The following KCNQ5 variants were observed in gnomAD, a reference collection of about 807,000 sequenced individuals.
KCNQ5 encodes potassium voltage-gated channel subfamily KQT member 5.
In KCNQ5, 30 loss-of-function variants were observed where a neutral mutation model predicts 98.2. The observed-to-expected ratio is 0.31, with a 90% confidence interval of 0.23 to 0.41. The LOEUF (loss-of-function observed/expected upper bound fraction) is 0.41, where lower values mean the gene tolerates loss of function less well. Ranked by LOEUF, KCNQ5 falls within the 10% of genes least tolerant of loss-of-function variation. The pLI, the probability that KCNQ5 is intolerant of heterozygous loss-of-function variation, is 1.00. For missense variants in KCNQ5, 835 were observed against 1,182.5 expected, an observed-to-expected ratio of 0.71 and a Z score of 4.31; for synonymous variants, 458 against 449.4, an observed-to-expected ratio of 1.02 and a Z score of -0.24.
At chr6:72,626,695 G>A (rs917958904) in intron 1 of KCNQ5, among the ~76,000 whole-genome samples, 2 of 152,126 alleles carry the variant, frequency 1.3e-5, no homozygotes, top group African/African-American at 2.4e-5. Flanking sequence ...ATTCATTGTT[G>A]CATTCATTTA....
chr6:72,830,792 C>T (rs1053263165), intron 1 of KCNQ5, among the ~76,000 whole-genome samples: 3 of 152,112 alleles, frequency 2.0e-5, no homozygotes, highest in Non-Finnish European at 4.4e-5. Context: ...TCAGAGTGAA[C>T]AGGCAACCTA....
At chr6:72,744,595 G>C (rs1771287012) in intron 1 of KCNQ5, among the ~76,000 whole-genome samples, 1 of 152,124 alleles carries the variant, frequency 6.6e-6, no homozygotes, top group Non-Finnish European at 1.5e-5. Context: ...CGGATCACCT[G>C]AGGTCAGGAG....
intron 5 of KCNQ5, among the ~76,000 whole-genome samples, chr6:73,096,913 G>A (rs1774526955): frequency 6.6e-6 from 1 of 151,826 alleles, no homozygotes; most frequent in Non-Finnish European, 1.5e-5. Flanking sequence ...TGTGGTGGCG[G>A]ATGCCTGTAA....
chr6:72,702,376 T>G (rs1768857539), intron 1 of KCNQ5, among the ~76,000 whole-genome samples: 1 of 152,166 alleles, frequency 6.6e-6, no homozygotes, highest in South Asian at 2.1e-4. Flanking sequence ...GAAATAAATA[T>G]GAACATTCCT....
intron 1 of KCNQ5, among the ~76,000 whole-genome samples, chr6:72,997,642 G>A (rs1220275734): frequency 6.6e-6 from 1 of 151,238 alleles, no homozygotes; most frequent in East Asian, 1.9e-4. Flanking sequence ...AATTAGCCAA[G>A]CATGGTGATG....
At chr6:72,774,923 G>A (rs1468227872) in intron 1 of KCNQ5, among the ~76,000 whole-genome samples, 1 of 152,114 alleles carries the variant, frequency 6.6e-6, no homozygotes, top group Non-Finnish European at 1.5e-5. Flanking sequence ...ATCTACTTGA[G>A]GTGATCATAG....
chr6:72,896,999 A>G (rs1432718919), intron 1 of KCNQ5, among the ~76,000 whole-genome samples: 2 of 151,918 alleles, frequency 1.3e-5, no homozygotes, highest in African/African-American at 4.8e-5. Context: ...ATTCTTATCT[A>G]CCATGTTCTC....
chr6:72,635,174 A>T (rs1316596841), intron 1 of KCNQ5, among the ~76,000 whole-genome samples: 1 of 151,170 alleles, frequency 6.6e-6, no homozygotes, highest in Non-Finnish European at 1.5e-5. Flanking sequence ...CCACAGGCAC[A>T]GACCACCATG....
At chr6:72,846,891 TG>T (rs1448850060) in intron 1 of KCNQ5, among the ~76,000 whole-genome samples, 1 of 152,178 alleles carries the variant, frequency 6.6e-6, no homozygotes, top group Non-Finnish European at 1.5e-5. Flanking sequence ...TCCATTAAGT[TG>T]GAAGATCTGA....
chr6:72,725,832 G>A (rs1215166224), intron 1 of KCNQ5, among the ~76,000 whole-genome samples: 1 of 152,076 alleles, frequency 6.6e-6, no homozygotes, highest in Non-Finnish European at 1.5e-5. Context: ...TAAAATGATT[G>A]TGTTTAATCA....
chr6:72,839,322 G>C (rs1024665466), intron 1 of KCNQ5, among the ~76,000 whole-genome samples: 1 of 151,988 alleles, frequency 6.6e-6, no homozygotes, highest in Non-Finnish European at 1.5e-5. Flanking sequence ...AAGCATTTTT[G>C]TTTTATCATA....
At chr6:73,134,359 C>T (rs769533949) in intron 10 of KCNQ5, 3 of 157,226 alleles carry the variant, frequency 1.9e-5, no homozygotes, top group Non-Finnish European at 4.2e-5. Flanking sequence ...AACTAGGCCC[C>T]CTGGGATCTC....
chr6:72,670,474 T>G lies in KCNQ5; in HGVS notation c.398+47887T>G, dbSNP rs529691418. Among the ~76,000 whole-genome samples, 63 of 152,350 alleles carry G rather than the reference T, an allele frequency of 4.1e-4. 1 individual carries two copies. Among genetic ancestry groups the G allele is most frequent in the African/African-American group, 1.4e-3 (59 of 41,592 alleles). On this transcript the variant is annotated intron_variant, in intron 1 of 13. Coordinates refer to ENST00000370398, the MANE Select transcript of KCNQ5 (RefSeq NM_019842.4). Reference sequence around the variant, plus strand: ...TTTAGAACTTTTAGGGTTTTTGTTTTTTTTGTTTTTAGGTACTTTTTTACA... The same window carrying G: ...TTTAGAACTTTTAGGGTTTTTGTTTGTTTTGTTTTTAGGTACTTTTTTACA...
chr6:73,125,448 GAA>G (rs1175149558), intron 9 of KCNQ5: 1 of 518,466 alleles, frequency 1.9e-6, no homozygotes, highest in Non-Finnish European at 3.8e-6. Flanking sequence ...TGGAAAGGAA[GAA>G]GAGATACATT....
intron 11 of KCNQ5, among the ~76,000 whole-genome samples, 166 bp from the exon 12 acceptor site, chr6:73,190,407 G>T (rs2150523828): frequency 6.6e-6 from 1 of 152,226 alleles, no homozygotes. Flanking sequence ...TTCTTAAATT[G>T]TCCACTGTAA....
chr6:72,870,033 C>A (rs545195323), intron 1 of KCNQ5, among the ~76,000 whole-genome samples: 2 of 152,174 alleles, frequency 1.3e-5, no homozygotes, highest in African/African-American at 4.8e-5. Flanking sequence ...CAAAATTTCA[C>A]CTGCACATGC....
At chr6:72,973,704 G>A (rs16883117) in intron 1 of KCNQ5, among the ~76,000 whole-genome samples, 14,732 of 152,108 alleles carry the variant, frequency 0.097, 844 homozygotes, top group East Asian at 0.24. Context: ...ATACTCTTCC[G>A]ATCAACTGAT....
intron 1 of KCNQ5, among the ~76,000 whole-genome samples, chr6:72,782,860 T>C (rs1773558514): frequency 6.6e-6 from 1 of 152,170 alleles, no homozygotes; most frequent in East Asian, 1.9e-4. Context: ...GAGCCTAGAA[T>C]GGTTCCTGTT....
At position 73,100,182 on chromosome 6, in the gene KCNQ5, G is replaced by A. The variant is rs147597812; in HGVS notation, c.919-5075G>A. Among the ~76,000 whole-genome samples the A allele has an allele frequency of 4.5e-3, 681 of 152,244 alleles. 2 individuals carry two copies. Among genetic ancestry groups the A allele is most frequent in the African/African-American group, 0.015 (628 of 41,560 alleles). On this transcript the variant is annotated intron_variant, in intron 5 of 13. Coordinates refer to ENST00000370398, the MANE Select transcript of KCNQ5 (RefSeq NM_019842.4). Reference sequence around the variant, plus strand: ...ACACAACCTATAACAAAACCAATGGGATACAGCAAAAGGAGTACTAAAAGG... The same window carrying A: ...ACACAACCTATAACAAAACCAATGGAATACAGCAAAAGGAGTACTAAAAGG...
Sources: gnomAD v4.1 joint callset for allele counts (sites outside exome capture counted in the v4.1 genomes callset) on GRCh38, gnomAD v4.1.1 for gene constraint, MANE v1.5 for transcripts, NCBI Gene and HGNC (gene_info 2026-07-23, HGNC 2026-07-21) for gene names.